Variants in LINGO2 observed in about 807,000 individuals in gnomAD.
LINGO2 encodes the protein leucine-rich repeat and immunoglobulin-like domain-containing nogo receptor-interacting protein 2.
Under a neutral mutation model 30.6 loss-of-function variants are expected in LINGO2, and 14 were observed. The observed-to-expected ratio is 0.46, with a 90% confidence interval of 0.30 to 0.72. The LOEUF (loss-of-function observed/expected upper bound fraction) is 0.72. Among genes scored for constraint, LINGO2 ranks in the 30% least tolerant of loss-of-function variants. The pLI is 0.07. For missense variants in LINGO2, 729 were observed against 751.7 expected (o/e 0.97, Z 0.35); for synonymous variants, 317 against 288.5 (o/e 1.10, Z -1.00).
the LINGO2 span, among the ~76,000 whole-genome samples, chr9:28,926,402 C>T: frequency 6.6e-6 from 1 of 152,244 alleles, no homozygotes; most frequent in African/African-American, 2.4e-5. Flanking sequence ...TTTTTAACAG[C>T]CATTGCCTTA....
chr9:28,376,749 A>C (rs970329268), intron 2 of LINGO2, among the ~76,000 whole-genome samples: 3 of 152,184 alleles, frequency 2.0e-5, no homozygotes, highest in African/African-American at 7.2e-5. Context: ...AGTTTGTTTC[A>C]CCAGAAAATT....
At chr9:29,183,970 C>G in the LINGO2 span, among the ~76,000 whole-genome samples, 1 of 151,796 alleles carries the variant, frequency 6.6e-6, no homozygotes, top group Non-Finnish European at 1.5e-5. Context: ...TATTTAACAT[C>G]CGGAGTGCTT....
At chr9:28,489,544 C>T (rs2135260107) in intron 1 of LINGO2, among the ~76,000 whole-genome samples, 1 of 152,118 alleles carries the variant, frequency 6.6e-6, no homozygotes, top group East Asian at 1.9e-4. Flanking sequence ...GTTCTCTTGT[C>T]TGTTCTTGTA....
At chr9:28,583,966 G>A (rs927351979) in intron 1 of LINGO2, among the ~76,000 whole-genome samples, 7 of 151,992 alleles carry the variant, frequency 4.6e-5, no homozygotes, top group Admixed American at 1.3e-4. Flanking sequence ...TTGATAGAAA[G>A]GATGGATTTG....
intron 3 of LINGO2, among the ~76,000 whole-genome samples, chr9:28,355,774 C>T (rs1026569174): frequency 2.6e-5 from 4 of 152,036 alleles, no homozygotes; most frequent in African/African-American, 9.7e-5. Context: ...ACACTGTACT[C>T]TTTGGGAAAT....
chr9:28,132,597 G>A (rs1388018367), intron 4 of LINGO2, among the ~76,000 whole-genome samples: 1 of 152,132 alleles, frequency 6.6e-6, no homozygotes, highest in Non-Finnish European at 1.5e-5. Flanking sequence ...GAGGTAGAAC[G>A]TTAACAAAAT....
At chr9:28,708,761 T>TTTATCTATCTATCTATCTATCTATC in the LINGO2 span, among the ~76,000 whole-genome samples, 2 of 147,866 alleles carry the variant, frequency 1.4e-5, no homozygotes, top group South Asian at 4.3e-4. Context: ...TTTAAACTAA[T>TTTATCTATCTATCTATCTATCTATC]TATCTATCTA....
the LINGO2 span, among the ~76,000 whole-genome samples, chr9:28,715,358 G>C: frequency 6.6e-6 from 1 of 152,072 alleles, no homozygotes; most frequent in Non-Finnish European, 1.5e-5. Flanking sequence ...ATTCCTTCCT[G>C]AAAAATGTAA....
chr9:28,074,240 T>C (rs1208850182), intron 4 of LINGO2, among the ~76,000 whole-genome samples: 4 of 152,168 alleles, frequency 2.6e-5, no homozygotes, highest in African/African-American at 9.6e-5. Context: ...GAAGATAAAA[T>C]GTAAAAATTG....
At chr9:28,125,599 T>C (rs1827214358) in intron 4 of LINGO2, among the ~76,000 whole-genome samples, 1 of 151,116 alleles carries the variant, frequency 6.6e-6, no homozygotes, top group African/African-American at 2.5e-5. Flanking sequence ...AGGGCTCTCT[T>C]AGAGTCTCAT....
the LINGO2 span, among the ~76,000 whole-genome samples, chr9:28,679,919 C>A: frequency 2.0e-5 from 3 of 151,634 alleles, no homozygotes; most frequent in Admixed American, 6.6e-5. Context: ...ATATACATTT[C>A]ATTTCTTCAC....
intron 4 of LINGO2, among the ~76,000 whole-genome samples, chr9:28,042,814 T>G (rs1251036367): frequency 6.6e-6 from 1 of 152,192 alleles, no homozygotes; most frequent in Non-Finnish European, 1.5e-5. Context: ...CTTCTTCCCT[T>G]TAACAAATGT....
chr9:28,292,771 TTTTC>T (rs939687341), intron 4 of LINGO2, among the ~76,000 whole-genome samples: 3 of 150,804 alleles, frequency 2.0e-5, no homozygotes, highest in Admixed American at 6.6e-5. Context: ...GCCCTGATTT[TTTTC>T]TTTCTTTCTT....
At chr9:28,349,019 C>A (rs1324453489) in intron 3 of LINGO2, among the ~76,000 whole-genome samples, 13 of 149,368 alleles carry the variant, frequency 8.7e-5, no homozygotes, top group East Asian at 2.0e-4. Flanking sequence ...CATCAAAGAC[C>A]AAAAGTAGAT....
the LINGO2 span, among the ~76,000 whole-genome samples, chr9:29,067,902 G>T: frequency 6.6e-6 from 1 of 151,650 alleles, no homozygotes; most frequent in Non-Finnish European, 1.5e-5. Context: ...TCTCAAATTT[G>T]CTATGGAGAG....
At chr9:29,044,201 T>C in the LINGO2 span, among the ~76,000 whole-genome samples, 58 of 152,016 alleles carry the variant, frequency 3.8e-4, no homozygotes, top group Admixed American at 1.4e-3. Flanking sequence ...AATTATAACA[T>C]GGATGGCACA....
At chr9:28,927,990 GT>G in the LINGO2 span, among the ~76,000 whole-genome samples, 1 of 152,174 alleles carries the variant, frequency 6.6e-6, no homozygotes, top group Non-Finnish European at 1.5e-5. Flanking sequence ...ACAACTGTTT[GT>G]TAAACACTAC....
At chr9:28,237,126 G>GT (rs918323315) in intron 4 of LINGO2, among the ~76,000 whole-genome samples, 18 of 133,428 alleles carry the variant, frequency 1.3e-4, no homozygotes, top group Non-Finnish European at 2.7e-4. Context: ...GCGGGGGGGG[G>GT]GTAAAGTTAA....
chr9:28,404,667 T>A (rs1439327704), intron 2 of LINGO2, among the ~76,000 whole-genome samples: 6 of 152,162 alleles, frequency 3.9e-5, no homozygotes, highest in African/African-American at 1.4e-4. Flanking sequence ...GACATAAATT[T>A]CTTTTGAAAT....
Sources: allele counts gnomAD v4.1 joint callset (sites outside exome capture counted in the v4.1 genomes callset), GRCh38; gene constraint gnomAD v4.1.1; transcripts MANE v1.5; gene names NCBI Gene and HGNC (gene_info 2026-07-23, HGNC 2026-07-21).